Variants in ABCC1 observed in about 807,000 individuals in gnomAD.
ABCC1 encodes multidrug resistance-associated protein 1.
A neutral mutation model predicts 172.9 loss-of-function variants in ABCC1; 83 were observed. The observed-to-expected ratio is 0.48, with a 90% CI of 0.40 to 0.58. The LOEUF is 0.58. ABCC1 is among the 20% of genes least tolerant of loss of function. ABCC1 has a pLI of 0.00. For missense variants in ABCC1, 1,817 were observed against 2,002.7 expected (o/e 0.91, Z 1.77); for synonymous variants, 937 against 825.2 (o/e 1.14, Z -2.32).
chr16:16,124,170 C>T (rs1246174052), intron 24 of ABCC1, among the ~76,000 whole-genome samples: 3 of 152,182 alleles, frequency 2.0e-5, no homozygotes, highest in Admixed American at 1.3e-4. Context: ...AGATCTGTCT[C>T]GTAACAAGAG....
intron 11 of ABCC1, among the ~76,000 whole-genome samples, chr16:16,053,407 T>G (rs45512591): frequency 1.1e-4 from 16 of 151,944 alleles, no homozygotes; most frequent in African/African-American, 3.9e-4. Flanking sequence ...GTGTGAGCCA[T>G]CATGCCCGGC....
At chr16:16,095,855 C>A (rs1247526492) in intron 19 of ABCC1, among the ~76,000 whole-genome samples, 1 of 152,094 alleles carries the variant, frequency 6.6e-6, no homozygotes, top group African/African-American at 2.4e-5. Context: ...CAAAACCTTG[C>A]TTGAACCATC....
intron 23 of ABCC1, among the ~76,000 whole-genome samples, chr16:16,118,730 CATA>C (rs1313105858): frequency 4.6e-5 from 7 of 151,726 alleles, no homozygotes; most frequent in African/African-American, 1.7e-4. Context: ...AGATGAAATG[CATA>C]ATGTGTGTGG....
chr16:16,063,803 A>C (rs2050009998), intron 12 of ABCC1, among the ~76,000 whole-genome samples: 1 of 152,168 alleles, frequency 6.6e-6, no homozygotes. Context: ...CCCTGTGAAC[A>C]GAGAGTCTTA....
intron 14 of ABCC1, among the ~76,000 whole-genome samples, chr16:16,075,757 T>C (rs2050535107): frequency 6.6e-6 from 1 of 152,172 alleles, no homozygotes; most frequent in South Asian, 2.1e-4. Context: ...TGATGGATGT[T>C]TTAGAAAGAT....
intron 16 of ABCC1, 31 bp downstream of exon 16, chr16:16,079,509 G>T (rs1318313278): frequency 1.3e-6 from 2 of 1,592,886 alleles, no homozygotes; most frequent in South Asian, 2.2e-5. Flanking sequence ...GAGGGGCAGT[G>T]GGGAAGCTGG....
chr16:16,010,423 A>AT (rs2047733408), intron 3 of ABCC1, among the ~76,000 whole-genome samples: 1 of 152,048 alleles, frequency 6.6e-6, no homozygotes, highest in South Asian at 2.1e-4. Flanking sequence ...CCTGCCACTG[A>AT]TTGAGTGGCA....
intron 5 of ABCC1, among the ~76,000 whole-genome samples, chr16:16,024,311 A>G (rs1012566945): frequency 6.6e-6 from 1 of 151,942 alleles, no homozygotes; most frequent in South Asian, 2.1e-4. Context: ...ATCAGAGATC[A>G]AGGGTGCAAT....
At chr16:16,133,970 C>G (rs1208089560) in intron 27 of ABCC1, among the ~76,000 whole-genome samples, 1 of 152,168 alleles carries the variant, frequency 6.6e-6, no homozygotes, top group African/African-American at 2.4e-5. Context: ...TGATGGGAAA[C>G]TCACCATCAA....
intron 5 of ABCC1, among the ~76,000 whole-genome samples, chr16:16,021,223 C>G (rs943875673): frequency 2.6e-5 from 4 of 152,064 alleles, no homozygotes. Flanking sequence ...GCTTCTCTGC[C>G]TTCATCCTGT....
intron 12 of ABCC1, chr16:16,056,623 C>G (rs2049666668): frequency 8.4e-6 from 3 of 356,112 alleles, no homozygotes; most frequent in Non-Finnish European, 1.6e-5. Flanking sequence ...GGGCCAAGAT[C>G]ACGCCAGTGC....
At chr16:16,088,522 G>C (rs911116474) in intron 18 of ABCC1, among the ~76,000 whole-genome samples, 2 of 152,162 alleles carry the variant, frequency 1.3e-5, no homozygotes, top group African/African-American at 2.4e-5. Flanking sequence ...TTCTCTTAGA[G>C]AGCAAGGGTT....
Position 16,013,929 on chromosome 16 carries a change from G to A in ABCC1, c.352-562G>A, listed in dbSNP as rs570380023. On this transcript the variant is annotated intron_variant, in intron 3 of 30. Transcript: ENST00000399410. ...CCGAGGCAGAGAGCAGGGGCGATGG[G>A]GCAGAGGCTGACCCCGGGAACGTTG... 2.0e-5 allele frequency among the ~76,000 whole-genome samples: 3 copies of A among 152,276 alleles called. No homozygotes were observed. In the East Asian group the frequency reaches 5.8e-4, roughly 29 times the overall value.
intron 1 of ABCC1, among the ~76,000 whole-genome samples, chr16:15,962,777 G>A (rs1277918128): frequency 2.6e-5 from 4 of 152,204 alleles, no homozygotes; most frequent in Non-Finnish European, 5.9e-5. Flanking sequence ...CCACCAACAC[G>A]TGGGGATTAC....
rs377633620 is a variant in ABCC1, at chr16:16,125,890, G to A, written c.3798G>A (p.Glu1266=). 7 of 1,613,924 alleles carry A rather than the reference G, an allele frequency of 4.3e-6. No individual in the cohort carries two copies. Among genetic ancestry groups the A allele is most frequent in the African/African-American group, 2.7e-5 (2 of 74,920 alleles). The change falls in exon 26 of 31, where the codon GAG becomes GAA. Residue 1266 remains glutamate, a synonymous_variant. Coordinates refer to ENST00000399410, the MANE Select transcript of ABCC1 (RefSeq NM_004996.4). ...TCGTGGCCGTGGAGAGGCTCAAGGA[G>A]TATTCAGAGACTGAGAAGGAGGTAG... ...TNIVAVERLK[E]YSETEKEAPW...
chr16:15,971,256 CT>C (rs1265832698), intron 1 of ABCC1, among the ~76,000 whole-genome samples: 3 of 152,186 alleles, frequency 2.0e-5, no homozygotes, highest in African/African-American at 7.2e-5. Flanking sequence ...GCCCTCCCAC[CT>C]AGCCTTTTAA....
At position 16,138,495 on chromosome 16, in the gene ABCC1, A is replaced by G; in HGVS notation, c.4424A>G (p.Gln1475Arg). ...DDLIQSTIRT[Q>R]FEDCTVLTIA... ...CTCATCCAGTCCACCATCCGGACAC[A>G]GTTCGAGGACTGCACCGTCCTCACC... The change falls in exon 30 of 31, where the codon CAG becomes CGG. Residue 1475 changes from glutamine to arginine, a missense_variant. By Grantham distance (43) the Gln-to-Arg change is conservative (BLOSUM62 1). This residue lies in a region of ABCC1 where 1,412 missense variants were observed against 1,600.3 expected (regional missense o/e 0.88). Coordinates refer to ENST00000399410, the MANE Select transcript of ABCC1 (RefSeq NM_004996.4). The G allele has an allele frequency of 6.2e-7, 1 of 1,613,078 alleles. No homozygotes were observed. Among genetic ancestry groups the G allele is most frequent in the South Asian group, 1.1e-5 (1 of 91,024 alleles).
rs374213061 is a variant in ABCC1 at position 16,062,336 on chromosome 16, C to G, written c.1678-5820C>G. ...TAAGAGCAGGACTGGCTTTTCTTCT[C>G]TTTTTTCTTTCTTTCTTTCTTTTTT... On this transcript the variant is annotated intron_variant, in intron 12 of 30. Coordinates refer to ENST00000399410, the MANE Select transcript of ABCC1 (RefSeq NM_004996.4). Among the ~76,000 whole-genome samples, 4 of 152,208 alleles carry G rather than the reference C, an allele frequency of 2.6e-5. No individual in the cohort carries two copies. The East Asian group carries it at 7.7e-4, about 29-fold the overall frequency.
chr16:16,090,389 T>TG lies in ABCC1; in HGVS notation c.2461-16_2461-15insG. ...ACATGTGCACTCACGTGGCCGGGTG[T>TG]CCCCTTTGCCCACAGACGCGGATCT... On this transcript the variant is annotated splice_polypyrimidine_tract_variant and intron_variant, in intron 18 of 30. Transcript: ENST00000399410. 6.4e-7 allele frequency: 1 copy of TG among 1,569,494 alleles called. No homozygotes were observed. The highest frequency in any genetic ancestry group is 8.7e-7 in the Non-Finnish European group (1 of 1,152,994).
Sources: allele counts gnomAD v4.1 joint callset (sites outside exome capture counted in the v4.1 genomes callset), GRCh38; gene constraint gnomAD v4.1.1; regional missense constraint gnomAD v4.1.1; transcripts MANE v1.5; gene names NCBI Gene and HGNC (gene_info 2026-07-23, HGNC 2026-07-21).